ADAM17: variants seen among roughly 807,000 people sequenced by gnomAD.
The protein encoded by ADAM17 is disintegrin and metalloproteinase domain-containing protein 17.
A neutral mutation model predicts 96.7 loss-of-function variants in ADAM17; 39 were observed. The ratio of observed to expected loss-of-function variants is 0.40; its 90% confidence interval spans 0.31 to 0.53. ADAM17 has a LOEUF of 0.53. Among genes scored for constraint, ADAM17 ranks in the 20% least tolerant of loss-of-function variants. The pLI is 0.44. For synonymous variants in ADAM17, 344 were observed against 359.2 expected (o/e 0.96, Z 0.48); for missense variants, 777 against 1,013.2 (o/e 0.77, Z 3.17).
At position 9,521,279 on chromosome 2, in the gene ADAM17, C is replaced by G; in HGVS notation, c.881G>C (p.Gly294Ala). The G allele has an allele frequency of 6.2e-7, 1 of 1,611,532 alleles. No homozygotes were observed. Among genetic ancestry groups the G allele is most frequent in the Non-Finnish European group, 8.5e-7 (1 of 1,177,870 alleles). ...ILKSPQEVKPGEKHYNMAKSY... is the reference protein window; with the variant it reads ...ILKSPQEVKPAEKHYNMAKSY... ...TTTTGCCATGTTGTAGTGCTTTTCA[C>G]CAGGTTTTACCTCTTGTGGAGACTT... The change falls in exon 8 of 19, where the codon GGT (glycine) becomes GCT (alanine). Residue 294 changes from glycine to alanine, a missense_variant. Around this residue, in one of 3 missense-constraint regions of ADAM17, gnomAD observed 446 missense variants for 664.7 expected, o/e 0.67. Coordinates refer to ENST00000310823, the MANE Select transcript of ADAM17 (RefSeq NM_003183.6).
chr2:9,496,917 A>C (rs1483397243), intron 14 of ADAM17, among the ~76,000 whole-genome samples, 197 bp downstream of exon 14: 2 of 152,186 alleles, frequency 1.3e-5, no homozygotes, highest in Non-Finnish European at 2.9e-5. Flanking sequence ...CACCAACAGG[A>C]TAGGTCTCCC....
In ADAM17 at chr2:9,551,088, G is replaced by T. The variant is rs183185275; in HGVS notation, c.97+4421C>A. On this transcript the variant is annotated intron_variant, in intron 1 of 18. Transcript: ENST00000310823. ...ACTCTGTCTCAAAAAAAAAAAAAAG[G>T]TAACTAATTTTGGACATGTTATATT... Among the ~76,000 whole-genome samples the T allele has an allele frequency of 4.0e-3, 603 of 151,648 alleles. 3 individuals carry two copies. The highest frequency in any genetic ancestry group is 7.2e-3 in the Admixed American group (110 of 15,220).
At chr2:9,550,853 T>C (rs1030047484) in intron 1 of ADAM17, among the ~76,000 whole-genome samples, 1 of 138,914 alleles carries the variant, frequency 7.2e-6, no homozygotes, top group Non-Finnish European at 1.5e-5. Flanking sequence ...AGGTCAGGAG[T>C]TCAACACAGG....
At chr2:9,536,517 A>G (rs775413868) in intron 3 of ADAM17, among the ~76,000 whole-genome samples, 181 bp downstream of exon 3, 1 of 152,200 alleles carries the variant, frequency 6.6e-6, no homozygotes, top group Non-Finnish European at 1.5e-5. Flanking sequence ...GATAATACTC[A>G]TTTCCTTCTA....
chr2:9,525,550 CT>C lies in ADAM17; in HGVS notation c.753+560del, dbSNP rs529073142. Among the ~76,000 whole-genome samples, 24 of 152,284 alleles carry C rather than the reference CT, an allele frequency of 1.6e-4. No individual in the cohort carries two copies. The South Asian group carries it at 3.7e-3, about 24-fold the overall frequency. ...TGTCAATGAAAAATGATTCCCCAGA[CT>C]TCAAAAATCATAATAGTTCATACTT... On this transcript the variant is annotated intron_variant, in intron 6 of 18. Coordinates refer to ENST00000310823, the MANE Select transcript of ADAM17 (RefSeq NM_003183.6).
At chr2:9,531,219 A>C (rs1383325477) in intron 4 of ADAM17, among the ~76,000 whole-genome samples, 1 of 151,638 alleles carries the variant, frequency 6.6e-6, no homozygotes, top group Non-Finnish European at 1.5e-5. Context: ...CAGCTTCCCA[A>C]AGTGCTGGGA....
chr2:9,499,113 C>CTTTTTT (rs59259119), intron 13 of ADAM17, among the ~76,000 whole-genome samples: 12 of 47,492 alleles, frequency 2.5e-4, no homozygotes, highest in African/African-American at 5.2e-4. Context: ...CTTTCTTCTT[C>CTTTTTT]TTTTTTTTTT....
intron 18 of ADAM17, 100 bp from the exon 19 acceptor site, chr2:9,490,618 G>T: frequency 8.1e-7 from 1 of 1,239,030 alleles, no homozygotes; most frequent in Non-Finnish European, 1.1e-6. Context: ...TATTCTGTTG[G>T]CACTGTGATG....
intron 7 of ADAM17, 103 bp from the exon 8 acceptor site, chr2:9,521,419 A>G (rs1664303920): frequency 3.5e-6 from 3 of 866,896 alleles, no homozygotes; most frequent in Non-Finnish European, 5.2e-6. Context: ...CGTTCTAGAA[A>G]AAAAACATTT....
intron 11 of ADAM17, 69 bp from the exon 12 acceptor site, chr2:9,505,434 G>A (rs1663331633): frequency 4.1e-6 from 6 of 1,460,462 alleles, no homozygotes; most frequent in Non-Finnish European, 4.8e-6. Context: ...CAATGTTTGT[G>A]TCTTCTCTAG....
chr2:9,538,132 C>T (rs1665064843), intron 2 of ADAM17, among the ~76,000 whole-genome samples: 1 of 152,086 alleles, frequency 6.6e-6, no homozygotes. Context: ...ACTTTCCATC[C>T]TTACATGAAA....
At chr2:9,543,601 T>C (rs1665299857) in intron 1 of ADAM17, among the ~76,000 whole-genome samples, 1 of 152,188 alleles carries the variant, frequency 6.6e-6, no homozygotes, top group Admixed American at 6.5e-5. Context: ...ACTTAGAAGG[T>C]CCTCAAAATA....
intron 1 of ADAM17, among the ~76,000 whole-genome samples, chr2:9,544,454 G>C (rs1305386761): frequency 3.3e-5 from 5 of 152,188 alleles, no homozygotes; most frequent in African/African-American, 1.2e-4. Context: ...GAACCCAGGA[G>C]GCAGATGTTG....
At chr2:9,504,670 G>A (rs1349093070) in intron 12 of ADAM17, among the ~76,000 whole-genome samples, 1 of 150,650 alleles carries the variant, frequency 6.6e-6, no homozygotes, top group Non-Finnish European at 1.5e-5. Flanking sequence ...GCTAAGGCAG[G>A]GGAATCACTT....
In ADAM17 at chr2:9,543,697, CAT is replaced by C. The variant is rs375238004; in HGVS notation, c.98-414_98-413del. ...CAGTTTTAAAAGAAAGACTCTTACTCATGTGTGGAAGCTAAAAAAGTGGATCT... is the reference window on the plus strand; with the variant it reads ...CAGTTTTAAAAGAAAGACTCTTACTCGTGTGGAAGCTAAAAAAGTGGATCT... On this transcript the variant is annotated intron_variant, in intron 1 of 18. Coordinates refer to ENST00000310823, the MANE Select transcript of ADAM17 (RefSeq NM_003183.6). 5.9e-5 allele frequency among the ~76,000 whole-genome samples: 9 copies of C among 152,262 alleles called. No homozygotes were observed. In the East Asian group the frequency reaches 1.2e-3, roughly 20 times the overall value.
At chr2:9,519,806 C>G (rs1251823632) in intron 8 of ADAM17, among the ~76,000 whole-genome samples, 3 of 152,174 alleles carry the variant, frequency 2.0e-5, no homozygotes, top group Non-Finnish European at 4.4e-5. Context: ...AGAAATCAAC[C>G]CTGCTGACCC....
intron 13 of ADAM17, among the ~76,000 whole-genome samples, chr2:9,497,955 C>G (rs761876533): frequency 3.3e-5 from 5 of 152,140 alleles, no homozygotes; most frequent in Admixed American, 6.5e-5. Flanking sequence ...CAGCAATGAT[C>G]AAATCTATTA....
chr2:9,514,339 A>C (rs1317054300), intron 10 of ADAM17, among the ~76,000 whole-genome samples: 1 of 103,854 alleles, frequency 9.6e-6, no homozygotes, highest in Admixed American at 1.4e-4. Context: ...GGGGAACATC[A>C]CACACCGGTG....
chr2:9,533,493 G>A (rs1345428260), intron 4 of ADAM17, among the ~76,000 whole-genome samples: 1 of 152,158 alleles, frequency 6.6e-6, no homozygotes, highest in Non-Finnish European at 1.5e-5. Context: ...TCTGCAGTGA[G>A]CTGAGATCAC....
Sources: allele counts gnomAD v4.1 joint callset (sites outside exome capture counted in the v4.1 genomes callset), GRCh38; gene constraint gnomAD v4.1.1; regional missense constraint gnomAD v4.1.1; transcripts MANE v1.5; gene names NCBI Gene and HGNC (gene_info 2026-07-23, HGNC 2026-07-21).